Variants in DSCAM observed in about 807,000 individuals in gnomAD.
DSCAM encodes the protein cell adhesion molecule DSCAM.
A neutral mutation model predicts 217.7 loss-of-function variants in DSCAM; 47 were observed. That is an observed-to-expected ratio of 0.22 (90% CI 0.17 to 0.28). The LOEUF (loss-of-function observed/expected upper bound fraction) is 0.28, where lower values mean the gene tolerates loss of function less well. Among genes scored for constraint, DSCAM ranks in the 10% least tolerant of loss-of-function variants. The pLI, the probability that DSCAM is intolerant of heterozygous loss-of-function variation, is 1.00. For synonymous variants in DSCAM, 1,056 were observed against 1,015.3 expected (o/e 1.04, Z -0.76); for missense variants, 2,080 against 2,618.3 (o/e 0.79, Z 4.49).
intron 15 of DSCAM, among the ~76,000 whole-genome samples, chr21:40,168,984 T>C (rs1198364575): frequency 2.0e-5 from 3 of 152,134 alleles, no homozygotes; most frequent in Middle Eastern, 3.2e-3. Context: ...ATATAAGAAA[T>C]CATAATCATA....
intron 16 of DSCAM, among the ~76,000 whole-genome samples, chr21:40,160,437 T>C (rs979438721): frequency 2.0e-5 from 3 of 152,248 alleles, no homozygotes; most frequent in Non-Finnish European, 2.9e-5. Context: ...TATTTTTACA[T>C]GTACTTTTCA....
In DSCAM at chr21:40,468,518, GCAAA is replaced by G. The variant is rs371775802; in HGVS notation, c.509-99277_509-99274del. ...AAGTCAGGGAGTAAATGGAAAAACAGCAAATATTGCACACAGGATTGGGGAGGGG... is the reference window on the plus strand; with the variant it reads ...AAGTCAGGGAGTAAATGGAAAAACAGTATTGCACACAGGATTGGGGAGGGG... On this transcript the variant is annotated intron_variant, in intron 3 of 32. Coordinates refer to ENST00000400454, the MANE Select transcript of DSCAM (RefSeq NM_001389.5). 4.0e-3 allele frequency among the ~76,000 whole-genome samples: 606 copies of G among 152,228 alleles called. 2 individuals are homozygous for G. The highest frequency in any genetic ancestry group is 0.014 in the African/African-American group (578 of 41,536).
At chr21:40,581,752 AC>A (rs1193951546) in intron 3 of DSCAM, among the ~76,000 whole-genome samples, 1 of 152,206 alleles carries the variant, frequency 6.6e-6, no homozygotes, top group Non-Finnish European at 1.5e-5. Flanking sequence ...CTGGAAACAG[AC>A]AAAAAGGCAT....
intron 11 of DSCAM, among the ~76,000 whole-genome samples, chr21:40,233,630 C>T (rs2146928706): frequency 6.6e-6 from 1 of 152,332 alleles, no homozygotes; most frequent in African/African-American, 2.4e-5. Context: ...CCCTCATGCT[C>T]ATCCCTGCCC....
At chr21:40,689,133 A>C (rs780887774) in intron 3 of DSCAM, among the ~76,000 whole-genome samples, 3 of 152,254 alleles carry the variant, frequency 2.0e-5, no homozygotes, top group Admixed American at 6.5e-5. Flanking sequence ...AACCAAAATA[A>C]AGGGCAAAAC....
At chr21:40,177,830 G>A (rs8130803) in intron 15 of DSCAM, among the ~76,000 whole-genome samples, 51,390 of 152,096 alleles carry the variant, frequency 0.34, 8,775 homozygotes, top group South Asian at 0.35. Context: ...GCAGAGATGA[G>A]GTGGTGGGAA....
intron 18 of DSCAM, among the ~76,000 whole-genome samples, chr21:40,137,082 A>G (rs1397090538): frequency 1.3e-5 from 2 of 151,382 alleles, no homozygotes; most frequent in Non-Finnish European, 2.9e-5. Flanking sequence ...GGCTGAGGCA[A>G]GAGAACGGCG....
chr21:40,429,227 T>C (rs2075506270), intron 3 of DSCAM, among the ~76,000 whole-genome samples: 2 of 152,112 alleles, frequency 1.3e-5, no homozygotes, highest in African/African-American at 4.8e-5. Context: ...AAATGTTACA[T>C]TTATGGACTT....
At chr21:40,072,480 G>A (rs1208713447) in intron 27 of DSCAM, among the ~76,000 whole-genome samples, 1 of 151,716 alleles carries the variant, frequency 6.6e-6, no homozygotes, top group African/African-American at 2.4e-5. Flanking sequence ...CCAAGTAGTT[G>A]GGACTACAGG....
chr21:40,130,160 A>T (rs551574015), intron 19 of DSCAM, among the ~76,000 whole-genome samples: 1 of 152,248 alleles, frequency 6.6e-6, no homozygotes, highest in Non-Finnish European at 1.5e-5. Context: ...TTTTGCCTTC[A>T]GAGTGAAAAC....
chr21:40,333,037 T>G (rs1487050294), intron 8 of DSCAM, among the ~76,000 whole-genome samples: 1 of 152,152 alleles, frequency 6.6e-6, no homozygotes, highest in African/African-American at 2.4e-5. Context: ...CACTTCCACT[T>G]CCCAAGGAAG....
At chr21:40,710,988 G>A (rs920251449) in intron 1 of DSCAM, among the ~76,000 whole-genome samples, 4 of 152,170 alleles carry the variant, frequency 2.6e-5, no homozygotes, top group South Asian at 2.1e-4. Flanking sequence ...CTTTGCAGAC[G>A]GTGACATGGA....
At chr21:40,694,664 C>T (rs370003987) in intron 2 of DSCAM, among the ~76,000 whole-genome samples, 1 of 151,724 alleles carries the variant, frequency 6.6e-6, no homozygotes, top group Non-Finnish European at 1.5e-5. Context: ...AATCCCCAAG[C>T]GGCATGAGGT....
chr21:40,547,555 C>T (rs150130451), intron 3 of DSCAM, among the ~76,000 whole-genome samples: 16 of 152,122 alleles, frequency 1.1e-4, no homozygotes, highest in Non-Finnish European at 1.5e-4. Context: ...ACAGAAAAAT[C>T]GGGAGACAGA....
intron 20 of DSCAM, among the ~76,000 whole-genome samples, chr21:40,107,265 C>A (rs1009593029): frequency 6.6e-6 from 1 of 152,056 alleles, no homozygotes; most frequent in Non-Finnish European, 1.5e-5. Context: ...ATTCAATTTC[C>A]ATGTAATTTG....
intron 3 of DSCAM, among the ~76,000 whole-genome samples, chr21:40,380,779 T>C (rs372186318): frequency 2.0e-5 from 3 of 152,114 alleles, no homozygotes; most frequent in Admixed American, 1.3e-4. Context: ...AAAATAGAAC[T>C]GAGGCCGGGC....
chr21:40,527,860 T>C (rs532293712), intron 3 of DSCAM, among the ~76,000 whole-genome samples: 139 of 152,284 alleles, frequency 9.1e-4, no homozygotes, highest in African/African-American at 3.3e-3. Context: ...AGAAACCCTG[T>C]ATGCGGCTCT....
intron 1 of DSCAM, among the ~76,000 whole-genome samples, chr21:40,744,442 C>T (rs1008428788): frequency 3.9e-5 from 6 of 151,976 alleles, no homozygotes; most frequent in Non-Finnish European, 5.9e-5. Flanking sequence ...TTCCCCTGAC[C>T]TGGAAACAAC....
intron 11 of DSCAM, among the ~76,000 whole-genome samples, chr21:40,209,752 C>T (rs191180661): frequency 4.4e-4 from 67 of 152,198 alleles, no homozygotes; most frequent in African/African-American, 1.5e-3. Context: ...CCTCTAGGCC[C>T]GTGACCATCA....
Sources: allele counts gnomAD v4.1 joint callset (sites outside exome capture counted in the v4.1 genomes callset), GRCh38; gene constraint gnomAD v4.1.1; transcripts MANE v1.5; gene names NCBI Gene and HGNC (gene_info 2026-07-23, HGNC 2026-07-21).